The following LINGO1 variants were observed in gnomAD, a reference collection of about 807,000 sequenced individuals.
The protein encoded by LINGO1 is leucine-rich repeat and immunoglobulin-like domain-containing nogo receptor-interacting protein 1.
A neutral mutation model predicts 37.3 loss-of-function variants in LINGO1; 11 were observed. The observed-to-expected ratio is 0.29, with a 90% confidence interval of 0.19 to 0.49. The LOEUF is 0.49. LINGO1 is among the 20% of genes least tolerant of loss of function. LINGO1 has a pLI of 0.99. For missense variants in LINGO1, 585 were observed against 878.2 expected (o/e 0.67, Z 4.22); for synonymous variants, 387 against 403.0 (o/e 0.96, Z 0.48).
At chr15:77,813,444 C>T (rs1258959354) in intron 1 of LINGO1, among the ~76,000 whole-genome samples, 5 of 152,198 alleles carry the variant, frequency 3.3e-5, no homozygotes, top group African/African-American at 9.6e-5. Context: ...GGGGTCAGAA[C>T]GCCAGCCTGG....
At chr15:77,762,198 G>A (rs1472724311) in intron 1 of LINGO1, among the ~76,000 whole-genome samples, 1 of 152,200 alleles carries the variant, frequency 6.6e-6, no homozygotes, top group African/African-American at 2.4e-5. Context: ...GGACCGAGGC[G>A]TGGGTAGAAA....
chr15:77,646,634 C>T (rs993307063), intron 3 of LINGO1: 9 of 297,142 alleles, frequency 3.0e-5, no homozygotes, highest in Non-Finnish European at 4.7e-5. Context: ...ATAAAACCAC[C>T]TTTTCCCCTG....
chr15:77,813,959 C>A (rs2141483743), intron 1 of LINGO1, among the ~76,000 whole-genome samples: 1 of 152,286 alleles, frequency 6.6e-6, no homozygotes, highest in African/African-American at 2.4e-5. Flanking sequence ...GGTGAAGGTC[C>A]ATCCCTCACT....
At chr15:77,748,651 T>A (rs976381928) in intron 1 of LINGO1, among the ~76,000 whole-genome samples, 19 of 152,192 alleles carry the variant, frequency 1.2e-4, no homozygotes, top group African/African-American at 4.6e-4. Flanking sequence ...CAGGAAGAGG[T>A]CATGGACCCC....
intron 2 of LINGO1, among the ~76,000 whole-genome samples, chr15:77,686,902 T>C (rs2141241408): frequency 6.6e-6 from 1 of 152,330 alleles, no homozygotes; most frequent in Middle Eastern, 3.4e-3. Flanking sequence ...TGGGCAGGGA[T>C]CATGGCTGAT....
intron 1 of LINGO1, among the ~76,000 whole-genome samples, chr15:77,773,555 C>T (rs755070322): frequency 6.6e-6 from 1 of 152,098 alleles, no homozygotes; most frequent in Non-Finnish European, 1.5e-5. Context: ...CTCCCAGCCC[C>T]GGAGTCCAGC....
At chr15:77,640,990 G>A (rs2074492269) in intron 3 of LINGO1, among the ~76,000 whole-genome samples, 1 of 152,214 alleles carries the variant, frequency 6.6e-6, no homozygotes, top group Non-Finnish European at 1.5e-5. Context: ...ACACACAGCA[G>A]GCAGGTCAGA....
intron 1 of LINGO1, among the ~76,000 whole-genome samples, chr15:77,810,239 CACACACACACGCATACACAT>C (rs1371616840): frequency 1.4e-5 from 2 of 143,794 alleles, no homozygotes; most frequent in African/African-American, 5.0e-5. Context: ...CACACACACA[CACACACACACGCATACACAT>C]GCACACACTC....
chr15:77,668,622 A>T (rs1053094632), intron 3 of LINGO1, among the ~76,000 whole-genome samples: 1 of 152,222 alleles, frequency 6.6e-6, no homozygotes, highest in African/African-American at 2.4e-5. Context: ...CATGCGCAGG[A>T]ATACATCCAC....
At chr15:77,817,306 A>T (rs911980017) in intron 1 of LINGO1, among the ~76,000 whole-genome samples, 2 of 152,208 alleles carry the variant, frequency 1.3e-5, no homozygotes, top group African/African-American at 4.8e-5. Flanking sequence ...TAGCCACCAG[A>T]GTCCCCTCCA....
intron 1 of LINGO1, among the ~76,000 whole-genome samples, chr15:77,755,573 G>A (rs1473011321): frequency 1.3e-5 from 2 of 152,140 alleles, no homozygotes; most frequent in East Asian, 3.9e-4. Flanking sequence ...CAGGCACAGT[G>A]CTGCCTGCAC....
chr15:77,808,985 G>A (rs780022204), intron 1 of LINGO1, among the ~76,000 whole-genome samples: 7 of 152,188 alleles, frequency 4.6e-5, no homozygotes, highest in Admixed American at 6.5e-5. Context: ...GGCACGTGCC[G>A]GCTAGGAGCA....
rs1432041956 is a variant in LINGO1 at position 77,614,896 on chromosome 15, C to T, written c.1011G>A (p.Leu337=). ...EPYAFRGLNY[L]RVLNVSGNQL... Reference sequence around the variant, plus strand: ...GGTTGCCAGAGACATTGAGCACGCGCAGGTAGTTGAGGCCGCGGAAGGCAT... The same window carrying T: ...GGTTGCCAGAGACATTGAGCACGCGTAGGTAGTTGAGGCCGCGGAAGGCAT... Residue 337 remains leucine (L), a synonymous_variant, in exon 2 of 2, where the codon CTG becomes CTA. Transcript: ENST00000355300. 2 of 1,613,976 alleles carry T rather than the reference C, an allele frequency of 1.2e-6. No homozygotes were observed. Among genetic ancestry groups the T allele is most frequent in the South Asian group, 1.1e-5 (1 of 91,074 alleles).
upstream of LINGO1, among the ~76,000 whole-genome samples, chr15:77,820,497 C>G (rs1038452040): frequency 6.6e-6 from 1 of 152,200 alleles, no homozygotes; most frequent in Non-Finnish European, 1.5e-5. Flanking sequence ...GCTGAGCGCC[C>G]TGGACTGCGT....
chr15:77,656,718 C>T (rs2074874658), intron 3 of LINGO1, among the ~76,000 whole-genome samples: 1 of 152,176 alleles, frequency 6.6e-6, no homozygotes, highest in African/African-American at 2.4e-5. Flanking sequence ...CAGAAGCTGC[C>T]CCCAGTGTGT....
chr15:77,816,716 A>G (rs989566863), intron 1 of LINGO1, among the ~76,000 whole-genome samples: 4 of 152,034 alleles, frequency 2.6e-5, no homozygotes, highest in Non-Finnish European at 5.9e-5. Context: ...CCAGGGGCCA[A>G]ATAAGTGCCC....
At chr15:77,788,814 C>T (rs1351220723), upstream of LINGO1, 1 of 152,272 alleles carries the variant, frequency 6.6e-6, no homozygotes, top group Non-Finnish European at 1.5e-5. Context: ...GGGCACCCTG[C>T]TAAGAGGCGG....
intron 1 of LINGO1, among the ~76,000 whole-genome samples, chr15:77,786,149 C>A (rs1241624606): frequency 6.6e-6 from 1 of 152,154 alleles, no homozygotes; most frequent in Non-Finnish European, 1.5e-5. Flanking sequence ...ACACAGCCCA[C>A]AAATCCAGGT....
chr15:77,763,187 C>A (rs937649691), intron 1 of LINGO1, among the ~76,000 whole-genome samples: 1 of 152,150 alleles, frequency 6.6e-6, no homozygotes, highest in South Asian at 2.1e-4. Flanking sequence ...CATTAACATT[C>A]GCCTAATTAA....
Sources: allele counts gnomAD v4.1 joint callset (sites outside exome capture counted in the v4.1 genomes callset), GRCh38; gene constraint gnomAD v4.1.1; transcripts MANE v1.5; gene names NCBI Gene and HGNC (gene_info 2026-07-23, HGNC 2026-07-21).